CCDC60: variants seen among roughly 807,000 people sequenced by gnomAD.
CCDC60 encodes the protein coiled-coil domain-containing protein 60.
Under a neutral mutation model 63.5 loss-of-function variants are expected in CCDC60, and 54 were observed. The observed-to-expected ratio is 0.85, with a 90% confidence interval of 0.68 to 1.07. The LOEUF is 1.07. Ranked by LOEUF, CCDC60 falls within the 50% of genes least tolerant of loss-of-function variation. CCDC60 has a pLI of 0.00. For synonymous variants in CCDC60, 206 were observed against 238.8 expected (o/e 0.86, Z 1.27); for missense variants, 651 against 684.3 (o/e 0.95, Z 0.54).
At chr12:119,466,680 C>A (rs1451422809) in intron 2 of CCDC60, among the ~76,000 whole-genome samples, 2 of 152,184 alleles carry the variant, frequency 1.3e-5, no homozygotes, top group Non-Finnish European at 2.9e-5. Context: ...ACCCCCTAAC[C>A]ACCATAAAAC....
intron 1 of CCDC60, among the ~76,000 whole-genome samples, chr12:119,417,528 C>A (rs1308023786): frequency 2.6e-5 from 4 of 152,100 alleles, no homozygotes; most frequent in Admixed American, 1.3e-4. Context: ...CACCCAATTT[C>A]CTTTTATGGA....
intron 1 of CCDC60, among the ~76,000 whole-genome samples, chr12:119,352,771 T>C (rs1408863627): frequency 6.6e-6 from 1 of 152,020 alleles, no homozygotes; most frequent in Non-Finnish European, 1.5e-5. Flanking sequence ...ACCCCGTCTC[T>C]ACTAAAAACA....
chr12:119,455,959 AGGGAG>A (rs1950726628), intron 2 of CCDC60, among the ~76,000 whole-genome samples: 1 of 111,262 alleles, frequency 9.0e-6, no homozygotes, highest in Non-Finnish European at 1.8e-5. Context: ...GGAAGGAAGG[AGGGAG>A]GGGAGGGAGG....
At chr12:119,441,354 G>C (rs749691800) in intron 2 of CCDC60, among the ~76,000 whole-genome samples, 53 of 152,102 alleles carry the variant, frequency 3.5e-4, no homozygotes, top group Non-Finnish European at 6.6e-4. Flanking sequence ...ACTTAGAGTG[G>C]ACACTACACG....
At chr12:119,425,129 C>T (rs1956879209) in intron 1 of CCDC60, among the ~76,000 whole-genome samples, 2 of 152,158 alleles carry the variant, frequency 1.3e-5, no homozygotes, top group African/African-American at 4.8e-5. Context: ...AACAGGGTTT[C>T]AATCATGTGT....
chr12:119,389,402 C>A (rs1183390640), intron 1 of CCDC60, among the ~76,000 whole-genome samples: 3 of 152,106 alleles, frequency 2.0e-5, no homozygotes, highest in Admixed American at 6.5e-5. Context: ...AGACTGTATA[C>A]CCCCAAAAGC....
chr12:119,344,855 T>TCACACACACACA (rs1199779284), intron 1 of CCDC60, among the ~76,000 whole-genome samples: 12 of 114,858 alleles, frequency 1.0e-4, no homozygotes, highest in East Asian at 9.7e-4. Context: ...TCTCTCTCTC[T>TCACACACACACA]CACACACACA....
intron 7 of CCDC60, among the ~76,000 whole-genome samples, chr12:119,506,353 A>T (rs981902719): frequency 6.6e-6 from 1 of 151,104 alleles, no homozygotes; most frequent in Non-Finnish European, 1.5e-5. Context: ...CTGTAATCCC[A>T]GAACTTAGGG....
chr12:119,439,600 A>G (rs1366780690), intron 2 of CCDC60, among the ~76,000 whole-genome samples: 4 of 152,242 alleles, frequency 2.6e-5, no homozygotes. Context: ...TTTTAGCTCC[A>G]TAAGCAAACA....
At chr12:119,407,541 T>C (rs1226385873) in intron 1 of CCDC60, among the ~76,000 whole-genome samples, 1 of 151,850 alleles carries the variant, frequency 6.6e-6, no homozygotes, top group African/African-American at 2.4e-5. Context: ...CAAAAATAAA[T>C]TAATTAATTA....
intron 1 of CCDC60, among the ~76,000 whole-genome samples, chr12:119,428,368 G>T (rs548112650): frequency 3.9e-4 from 60 of 152,324 alleles, no homozygotes; most frequent in Middle Eastern, 3.4e-3. Flanking sequence ...CAGAGTAGGA[G>T]TGATTCCCCA....
intron 2 of CCDC60, among the ~76,000 whole-genome samples, chr12:119,463,414 A>C (rs962440993): frequency 3.3e-5 from 5 of 152,144 alleles, no homozygotes; most frequent in African/African-American, 1.2e-4. Flanking sequence ...TCTACAGTGA[A>C]CTCACCACTT....
Position 119,456,825 on chromosome 12 carries a change from C to T in CCDC60, c.171-15169C>T, listed in dbSNP as rs983103038. ...GAGGACGACCAGAGGTCACTCTTGT[C>T]GCCATCTTGGTTTTGGTGAGATTTA... is the stretch of plus-strand genomic sequence containing the variant. On this transcript the variant is annotated intron_variant, in intron 2 of 13. Transcript: ENST00000327554. This position sits in a 1 kb window ranked among gnomAD's most constrained non-coding sequence, Gnocchi z 4.6. Among the ~76,000 whole-genome samples the T allele has an allele frequency of 3.3e-5, 5 of 152,140 alleles. No individual in the cohort carries two copies. Among genetic ancestry groups the T allele is most frequent in the Admixed American group, 6.5e-5 (1 of 15,268 alleles).
intron 2 of CCDC60, among the ~76,000 whole-genome samples, chr12:119,469,364 A>G (rs1951012761): frequency 6.6e-6 from 1 of 152,130 alleles, no homozygotes; most frequent in Admixed American, 6.6e-5. Context: ...CCCGGGTTCC[A>G]GTGATTCTCC....
At chr12:119,488,652 C>T in intron 4 of CCDC60, 107 bp from the exon 5 acceptor site, 2 of 891,660 alleles carry the variant, frequency 2.2e-6, no homozygotes, top group Non-Finnish European at 3.7e-6. Flanking sequence ...GAGCATGGTG[C>T]CTGCTCCCTC....
At position 119,400,047 on chromosome 12, in the gene CCDC60, C is replaced by CTTTT. The variant is rs550702095; in HGVS notation, c.91-28619_91-28616dup. Among the ~76,000 whole-genome samples, 163 of 131,786 alleles carry CTTTT rather than the reference C, an allele frequency of 1.2e-3. 1 individual carries two copies. Among genetic ancestry groups the CTTTT allele is most frequent in the Non-Finnish European group, 2.0e-3 (125 of 62,136 alleles). The allele number at this position is 131,786 out of a possible 152,430, so 86.5% of individuals were successfully genotyped here. On this transcript the variant is annotated intron_variant, in intron 1 of 13. Transcript: ENST00000327554. ...ATAAATTAGCCTACAGGTTGGTTTC[C>CTTTT]TTTTTTTTTTTTTTTTTTTTGAGAC...
chr12:119,390,788 A>G (rs1427762469), intron 1 of CCDC60, among the ~76,000 whole-genome samples: 1 of 152,254 alleles, frequency 6.6e-6, no homozygotes, highest in African/African-American at 2.4e-5. Flanking sequence ...CACTTTGAGT[A>G]GCAAGGAGTT....
At chr12:119,521,551 G>C in intron 9 of CCDC60, among the ~76,000 whole-genome samples, 1 of 152,128 alleles carries the variant, frequency 6.6e-6, no homozygotes, top group East Asian at 1.9e-4. Context: ...TCCAAGCAGG[G>C]GGAATAGTGT....
chr12:119,404,648 G>A (rs1471474815), intron 1 of CCDC60, among the ~76,000 whole-genome samples: 2 of 152,198 alleles, frequency 1.3e-5, no homozygotes, highest in African/African-American at 4.8e-5. Flanking sequence ...AGAAGGTCCT[G>A]GTTAGTTGCC....
Sources: allele counts gnomAD v4.1 joint callset (sites outside exome capture counted in the v4.1 genomes callset), GRCh38; gene constraint gnomAD v4.1.1; non-coding constraint Gnocchi (gnomAD v3.1); transcripts MANE v1.5; gene names NCBI Gene and HGNC (gene_info 2026-07-23, HGNC 2026-07-21).